SLC44A1: variants seen among roughly 807,000 people sequenced by gnomAD.
The protein encoded by SLC44A1 is choline transporter-like protein 1.
A neutral mutation model predicts 79.3 loss-of-function variants in SLC44A1; 26 were observed. The observed-to-expected ratio is 0.33, with a 90% CI of 0.24 to 0.46. The LOEUF (loss-of-function observed/expected upper bound fraction) is 0.46, where lower values mean the gene tolerates loss of function less well. Among genes scored for constraint, SLC44A1 ranks in the 20% least tolerant of loss-of-function variants. The pLI is 1.00. For missense variants in SLC44A1, 688 were observed against 798.1 expected, an observed-to-expected ratio of 0.86 and a Z score of 1.66; for synonymous variants, 263 against 286.2, an observed-to-expected ratio of 0.92 and a Z score of 0.82.
chr9:105,255,881 A>G (rs1829692242), intron 1 of SLC44A1, among the ~76,000 whole-genome samples: 1 of 152,248 alleles, frequency 6.6e-6, no homozygotes, highest in Non-Finnish European at 1.5e-5. Context: ...AGCAAACTGC[A>G]CAACTCATGA....
intron 3 of SLC44A1, among the ~76,000 whole-genome samples, chr9:105,324,702 G>A (rs779880020): frequency 9.9e-5 from 15 of 152,156 alleles, no homozygotes; most frequent in East Asian, 3.8e-4. Flanking sequence ...AAAGGATTCC[G>A]AGGGACATTT....
chr9:105,279,852 G>C (rs1255257065), intron 1 of SLC44A1, among the ~76,000 whole-genome samples: 1 of 152,160 alleles, frequency 6.6e-6, no homozygotes, highest in Non-Finnish European at 1.5e-5. Flanking sequence ...AATTACAAGT[G>C]CTGTATTTGG....
At chr9:105,271,160 G>C (rs1173421189) in intron 1 of SLC44A1, among the ~76,000 whole-genome samples, 1 of 152,158 alleles carries the variant, frequency 6.6e-6, no homozygotes, top group Non-Finnish European at 1.5e-5. Flanking sequence ...TCAAATTTCT[G>C]CTGCAGGTTT....
intron 15 of SLC44A1, among the ~76,000 whole-genome samples, chr9:105,412,575 A>G (rs1365310126): frequency 6.6e-6 from 1 of 152,108 alleles, no homozygotes; most frequent in East Asian, 1.9e-4. Context: ...CGACCACATG[A>G]TATACAGCAG....
At chr9:105,266,298 G>A (rs1162859267) in intron 1 of SLC44A1, among the ~76,000 whole-genome samples, 1 of 152,064 alleles carries the variant, frequency 6.6e-6, no homozygotes, top group Non-Finnish European at 1.5e-5. Context: ...GGGTTTTGTG[G>A]TATAAGTGAG....
intron 15 of SLC44A1, among the ~76,000 whole-genome samples, chr9:105,426,468 A>G (rs1169355571): frequency 1.3e-5 from 2 of 152,184 alleles, no homozygotes; most frequent in African/African-American, 4.8e-5. Flanking sequence ...TTGGTTCCCC[A>G]CTATTTCTTT....
At chr9:105,280,142 A>G (rs1050790279) in intron 1 of SLC44A1, among the ~76,000 whole-genome samples, 4 of 152,246 alleles carry the variant, frequency 2.6e-5, no homozygotes, top group Admixed American at 1.3e-4. Context: ...AGTAAAATTG[A>G]CAAAATGATT....
Position 105,365,038 on chromosome 9 carries a change from GACA to G in SLC44A1, c.1253+323_1253+325del, listed in dbSNP as rs562974508. ...TGCTTTATATAAAAGTCCATCAAAGGACAACAAGTCTTTTTAGTTTGTTTAGAC... is the reference window on the plus strand; with the variant it reads ...TGCTTTATATAAAAGTCCATCAAAGGACAAGTCTTTTTAGTTTGTTTAGAC... On this transcript the variant is annotated intron_variant, in intron 10 of 15. Coordinates refer to ENST00000374720, the MANE Select transcript of SLC44A1 (RefSeq NM_080546.5). 1.9e-3 allele frequency among the ~76,000 whole-genome samples: 285 copies of G among 152,272 alleles called. 3 individuals carry two copies. The highest frequency in any genetic ancestry group is 2.2e-3 in the Admixed American group (34 of 15,298).
chr9:105,298,978 C>T (rs746950978), intron 1 of SLC44A1, among the ~76,000 whole-genome samples: 103 of 151,888 alleles, frequency 6.8e-4, no homozygotes, highest in Non-Finnish European at 2.1e-4. Flanking sequence ...ACCAAAAAAG[C>T]GATGAACTCA....
At chr9:105,415,285 C>T (rs755716506) in intron 15 of SLC44A1, among the ~76,000 whole-genome samples, 19 of 152,092 alleles carry the variant, frequency 1.2e-4, no homozygotes, top group Admixed American at 3.3e-4. Context: ...ATAGGGGGTG[C>T]AAGGAAGGTA....
In SLC44A1 at chr9:105,391,454, A is replaced by G. The variant is rs999262999; in HGVS notation, c.*2398A>G. ...TGTAACCATGTCATTTGAGTTGCAAATTAATTGCCAGGCTGTTTTCCTTAA... is the reference window on the plus strand; with the variant it reads ...TGTAACCATGTCATTTGAGTTGCAAGTTAATTGCCAGGCTGTTTTCCTTAA... On this transcript the variant is annotated 3_prime_UTR_variant, in exon 16 of 16. Transcript: ENST00000374720. The G allele has an allele frequency of 1.0e-6, 1 of 985,754 alleles. No individual in the cohort carries two copies. Among genetic ancestry groups the G allele is most frequent in the Non-Finnish European group, 1.2e-6 (1 of 829,828 alleles). 61.1% of individuals were successfully genotyped at this position (985,754 alleles called of 1,614,324 possible).
chr9:105,330,679 CAG>C (rs2131349872), intron 3 of SLC44A1, among the ~76,000 whole-genome samples: 1 of 152,300 alleles, frequency 6.6e-6, no homozygotes, highest in South Asian at 2.1e-4. Flanking sequence ...ACCTTGTAGA[CAG>C]AGCATTTTAT....
chr9:105,326,278 C>T (rs1324836909), intron 3 of SLC44A1, among the ~76,000 whole-genome samples: 1 of 152,106 alleles, frequency 6.6e-6, no homozygotes, highest in South Asian at 2.1e-4. Flanking sequence ...GCTGTGTTGC[C>T]CAGGCTAGTC....
intron 1 of SLC44A1, among the ~76,000 whole-genome samples, chr9:105,262,053 G>A: frequency 6.6e-6 from 1 of 151,974 alleles, no homozygotes; most frequent in East Asian, 1.9e-4. Context: ...CAAAGTGCTG[G>A]GATTACAGGT....
At position 105,396,089 on chromosome 9, in the gene SLC44A1, A is replaced by T. The variant is rs1034013470; in HGVS notation, c.*7033A>T. Reference sequence around the variant, plus strand: ...TTTTTGCCTATTTTGATTTTCAGAGATGATCACATGGGGACAGTTAACTTT... The same window carrying T: ...TTTTTGCCTATTTTGATTTTCAGAGTTGATCACATGGGGACAGTTAACTTT... On this transcript the variant is annotated 3_prime_UTR_variant, in exon 16 of 16. Coordinates refer to ENST00000374720, the MANE Select transcript of SLC44A1 (RefSeq NM_080546.5). 9.1e-6 allele frequency: 9 copies of T among 985,232 alleles called. No individual in the cohort carries two copies. Among genetic ancestry groups the T allele is most frequent in the Non-Finnish European group, 1.1e-5 (9 of 829,944 alleles). 61.0% of individuals were successfully genotyped at this position (985,232 alleles called of 1,614,324 possible).
At chr9:105,273,816 G>C (rs1037115) in intron 1 of SLC44A1, among the ~76,000 whole-genome samples, 1 of 151,676 alleles carries the variant, frequency 6.6e-6, no homozygotes, top group African/African-American at 2.4e-5. Flanking sequence ...ATGTGTCTGA[G>C]TTTTTTTTCT....
chr9:105,261,318 C>T (rs1301389046), intron 1 of SLC44A1, among the ~76,000 whole-genome samples: 1 of 152,166 alleles, frequency 6.6e-6, no homozygotes, highest in Non-Finnish European at 1.5e-5. Flanking sequence ...TTCTGCCACA[C>T]CGCCTTCCCC....
chr9:105,320,707 A>T (rs577359994), intron 3 of SLC44A1, among the ~76,000 whole-genome samples: 1 of 152,226 alleles, frequency 6.6e-6, no homozygotes, highest in South Asian at 2.1e-4. Context: ...AGGCTCCCAT[A>T]TAGCTGGGAC....
At chr9:105,387,572 C>T (rs758240764) in intron 15 of SLC44A1, among the ~76,000 whole-genome samples, 23 of 152,200 alleles carry the variant, frequency 1.5e-4, no homozygotes, top group Non-Finnish European at 2.9e-4. Context: ...TTCAGCAAAT[C>T]GATTCTAAGC....
Sources: gnomAD v4.1 joint callset for allele counts (sites outside exome capture counted in the v4.1 genomes callset) on GRCh38, gnomAD v4.1.1 for gene constraint, MANE v1.5 for transcripts, NCBI Gene and HGNC (gene_info 2026-07-23, HGNC 2026-07-21) for gene names.